Variants in DCLRE1C observed in about 807,000 individuals in gnomAD.
DCLRE1C encodes DNA cross-link repair 1C.
In DCLRE1C, 47 loss-of-function variants were observed where a neutral mutation model predicts 61.4. The observed-to-expected ratio is 0.77, with a 90% confidence interval of 0.61 to 0.98. The LOEUF is 0.98. Among genes scored for constraint, DCLRE1C ranks in the 50% least tolerant of loss-of-function variants. The pLI, the probability that DCLRE1C is intolerant of heterozygous loss-of-function variation, is 0.00. For synonymous variants in DCLRE1C, 337 were observed against 287.6 expected (o/e 1.17, Z -1.74); for missense variants, 858 against 816.0 (o/e 1.05, Z -0.63).
intron 3 of DCLRE1C, among the ~76,000 whole-genome samples, chr10:14,941,833 T>G (rs964696310): frequency 4.6e-5 from 7 of 152,122 alleles, no homozygotes; most frequent in African/African-American, 1.4e-4. Flanking sequence ...TAGTCCACAT[T>G]CACACATTTT....
intron 13 of DCLRE1C, among the ~76,000 whole-genome samples, chr10:14,909,614 A>G (rs542599695): frequency 6.6e-6 from 1 of 152,240 alleles, no homozygotes; most frequent in Non-Finnish European, 1.5e-5. Flanking sequence ...AAAGAAAAAA[A>G]AAAAAAACAG....
At chr10:14,901,263 G>A, downstream of DCLRE1C, 1 of 1,613,704 alleles carries the variant, frequency 6.2e-7, no homozygotes, top group Non-Finnish European at 8.5e-7. Flanking sequence ...CAAATGAAAG[G>A]TATGCTTTTC....
At chr10:14,935,631 T>A in intron 5 of DCLRE1C, 67 bp from the exon 6 acceptor site, 3 of 1,406,466 alleles carry the variant, frequency 2.1e-6, no homozygotes, top group Non-Finnish European at 3.0e-6. Flanking sequence ...CAAATACATG[T>A]GAGCTGCATA....
At position 14,908,305 on chromosome 10, in the gene DCLRE1C, T is replaced by TAAAA. The variant is rs1834647569; in HGVS notation, c.*102_*103insTTTT. On this transcript the variant is annotated 3_prime_UTR_variant, in exon 14 of 14. Coordinates refer to ENST00000378278, the MANE Select transcript of DCLRE1C (RefSeq NM_001033855.3). ...TGTGAGCCACCACACCCAACCAGGT[T>TAAAA]ATTTGAACATTTTTAAGTACTGTAT... 1.0e-6 allele frequency: 1 copy of TAAAA among 988,576 alleles called. No homozygotes were observed. The highest frequency in any genetic ancestry group is 1.6e-5 in the African/African-American group (1 of 61,958). The allele number at this position is 988,576 out of a possible 1,614,324, so 61.2% of individuals were successfully genotyped here. A position where few individuals can be genotyped will look rare whatever the true frequency, so the allele number is the denominator to read the frequency against.
In DCLRE1C at chr10:14,919,806, T is replaced by G. The variant is rs1213080376; in HGVS notation, c.1088A>C (p.Gln363Pro). 2 of 1,613,866 alleles carry G rather than the reference T, an allele frequency of 1.2e-6. No homozygotes were observed. Among genetic ancestry groups the G allele is most frequent in the Non-Finnish European group, 1.7e-6 (2 of 1,179,882 alleles). Reference protein sequence around the residue: ...EILKPLCRSSQSTEPKYKPLG... With the variant: ...EILKPLCRSSPSTEPKYKPLG... ...TGGTTTATACTTTGGCTCCGTACTTTGGGAAGACCGGCATAAAGGCTTTAA... is the reference window on the plus strand; with the variant it reads ...TGGTTTATACTTTGGCTCCGTACTTGGGGAAGACCGGCATAAAGGCTTTAA... Residue 363 changes from glutamine (Q) to proline (P), a missense_variant, in exon 13 of 14, where the codon CAA (glutamine) becomes CCA (proline). Around this residue, in one of 2 missense-constraint regions of DCLRE1C, gnomAD observed 843 missense variants for 783.5 expected, o/e 1.08. Coordinates refer to ENST00000378278, the MANE Select transcript of DCLRE1C (RefSeq NM_001033855.3).
intron 8 of DCLRE1C, among the ~76,000 whole-genome samples, chr10:14,933,992 G>C (rs1290537978): frequency 2.0e-5 from 3 of 152,134 alleles, no homozygotes; most frequent in African/African-American, 7.2e-5. Flanking sequence ...AGGCGAGGAG[G>C]GGGAGGAAAG....
At chr10:14,926,144 C>T (rs41298908) in intron 11 of DCLRE1C, among the ~76,000 whole-genome samples, 3 of 152,158 alleles carry the variant, frequency 2.0e-5, no homozygotes, top group African/African-American at 7.2e-5. Context: ...CGGGCATGTC[C>T]TTAGAGCAGC....
chr10:14,944,892 C>T (rs2131104200), intron 3 of DCLRE1C, among the ~76,000 whole-genome samples: 1 of 151,964 alleles, frequency 6.6e-6, no homozygotes, highest in Non-Finnish European at 1.5e-5. Flanking sequence ...CCAGGCTGGT[C>T]ATGAACTCCT....
At chr10:14,950,694 G>A (rs950437385) in intron 1 of DCLRE1C, among the ~76,000 whole-genome samples, 3 of 152,186 alleles carry the variant, frequency 2.0e-5, no homozygotes, top group South Asian at 2.1e-4. Context: ...AGAGGAGGCT[G>A]AATGCAGACT....
chr10:14,939,900 T>C (rs977821633), intron 3 of DCLRE1C, 31 bp from the exon 4 acceptor site: 16 of 1,540,104 alleles, frequency 1.0e-5, no homozygotes, highest in Non-Finnish European at 1.3e-5. Context: ...ACCATGTATA[T>C]AGCAGTTTTT....
At chr10:14,910,202 G>A (rs1053276291) in intron 13 of DCLRE1C, among the ~76,000 whole-genome samples, 1 of 152,142 alleles carries the variant, frequency 6.6e-6, no homozygotes, top group Non-Finnish European at 1.5e-5. Flanking sequence ...TAGGCCCAGA[G>A]AAAAGGGTGT....
downstream of DCLRE1C, chr10:14,901,181 A>G: frequency 6.2e-7 from 1 of 1,614,030 alleles, no homozygotes; most frequent in Non-Finnish European, 8.5e-7. Flanking sequence ...TAACCTCGAT[A>G]CTCGTCTTCC....
chr10:14,916,156 G>A (rs1018732064), intron 13 of DCLRE1C, among the ~76,000 whole-genome samples: 19 of 152,120 alleles, frequency 1.2e-4, no homozygotes, highest in African/African-American at 4.1e-4. Flanking sequence ...TGAACTTAAT[G>A]GTGAAACAAT....
At chr10:14,947,386 C>T (rs1442015375) in intron 2 of DCLRE1C, 3 of 152,158 alleles carry the variant, frequency 2.0e-5, no homozygotes, top group African/African-American at 7.2e-5. Context: ...GCTGGGAAAC[C>T]ATTCCCATTC....
Position 14,940,077 on chromosome 10 carries a change from TA to T in DCLRE1C, c.247-209del, listed in dbSNP as rs768274063. On this transcript the variant is annotated intron_variant, in intron 3 of 13. Coordinates refer to ENST00000378278, the MANE Select transcript of DCLRE1C (RefSeq NM_001033855.3). ...TTGAGGCAGATTTGGTAATACGGAG[TA>T]AACGCCTTGTAAATGCATATAATCC... Among the ~76,000 whole-genome samples the T allele has an allele frequency of 1.6e-3, 250 of 152,174 alleles. 1 individual carries two copies. Among genetic ancestry groups the T allele is most frequent in the Non-Finnish European group, 1.8e-3 (122 of 67,988 alleles).
intron 5 of DCLRE1C, among the ~76,000 whole-genome samples, chr10:14,936,219 C>T (rs1257991647): frequency 4.0e-5 from 6 of 151,854 alleles, no homozygotes; most frequent in Non-Finnish European, 7.4e-5. Flanking sequence ...TTATAAGAAA[C>T]GTTTCAAATC....
intron 3 of DCLRE1C, among the ~76,000 whole-genome samples, chr10:14,941,032 G>A (rs540783031): frequency 2.0e-4 from 31 of 151,666 alleles, no homozygotes; most frequent in Non-Finnish European, 1.5e-4. Context: ...ACAGGCACCC[G>A]CCACCATGCC....
At chr10:14,919,046 A>G (rs1297965961) in intron 13 of DCLRE1C, among the ~76,000 whole-genome samples, 1 of 152,124 alleles carries the variant, frequency 6.6e-6, no homozygotes, top group South Asian at 2.1e-4. Flanking sequence ...CCTGCCATTA[A>G]TAGGTGTTCA....
rs1564392842 is a variant in DCLRE1C, at chr10:14,918,628, T to TA, written c.1156+1109_1156+1110insT. Among the ~76,000 whole-genome samples, 40 of 147,422 alleles carry TA rather than the reference T, an allele frequency of 2.7e-4. No homozygotes were observed. The South Asian group carries it at 5.5e-3, about 20-fold the overall frequency. On this transcript the variant is annotated intron_variant, in intron 13 of 13. Coordinates refer to ENST00000378278, the MANE Select transcript of DCLRE1C (RefSeq NM_001033855.3). ...AATTATACCTCAGGAAAGCTGTTTTTTAAAAAAAAAAAAAAAGAAAAAAAC... is the reference window on the plus strand; with the variant it reads ...AATTATACCTCAGGAAAGCTGTTTTTATAAAAAAAAAAAAAAAGAAAAAAAC...
Sources: allele counts gnomAD v4.1 joint callset (sites outside exome capture counted in the v4.1 genomes callset), GRCh38; gene constraint gnomAD v4.1.1; regional missense constraint gnomAD v4.1.1; transcripts MANE v1.5; gene names NCBI Gene and HGNC (gene_info 2026-07-23, HGNC 2026-07-21).